HIVEP3: variants seen among roughly 807,000 people sequenced by gnomAD.
HIVEP3 encodes the protein HIVEP zinc finger 3.
Under a neutral mutation model 152.8 loss-of-function variants are expected in HIVEP3, and 49 were observed. The ratio of observed to expected loss-of-function variants is 0.32; its 90% CI spans 0.26 to 0.41. The LOEUF is 0.41. Among genes scored for constraint, HIVEP3 ranks in the 10% least tolerant of loss-of-function variants. HIVEP3 has a pLI of 1.00. For missense variants in HIVEP3, 2,790 were observed against 3,103.3 expected, an observed-to-expected ratio of 0.90 and a Z score of 2.40; for synonymous variants, 1,269 against 1,289.0, an observed-to-expected ratio of 0.98 and a Z score of 0.33.
chr1:41,988,664 C>T (rs1331376303), intron 1 of HIVEP3, among the ~76,000 whole-genome samples: 1 of 152,086 alleles, frequency 6.6e-6, no homozygotes, highest in Non-Finnish European at 1.5e-5. Flanking sequence ...GGAAGTTCCT[C>T]AAAAAATTAC....
chr1:41,580,762 A>T lies in HIVEP3; in HGVS notation c.4036T>A (p.Ser1346Thr). The T allele has an allele frequency of 6.3e-7, 1 of 1,583,418 alleles. No individual in the cohort carries two copies. ...TTLSQILVTQ[S>T]QGSSATVALP... is the part of the protein sequence containing the mutation. ...GCCACAGTTGCTGAGCTGCCTTGGGACTGGGTGACCAAGATCTGGGAAAGG... is the reference window on the plus strand; with the variant it reads ...GCCACAGTTGCTGAGCTGCCTTGGGTCTGGGTGACCAAGATCTGGGAAAGG... Residue 1346 changes from serine (S) to threonine (T), a missense_variant, in exon 4 of 9, where the codon TCC becomes ACC. By Grantham distance (58) the Ser-to-Thr change is moderately conservative. Coordinates refer to ENST00000372583, the MANE Select transcript of HIVEP3 (RefSeq NM_024503.5).
rs756774208 is a variant in HIVEP3 at position 41,584,639 on chromosome 1, G to C, written c.159C>G (p.Leu53=). 1.9e-6 allele frequency: 3 copies of C among 1,603,244 alleles called. No individual in the cohort carries two copies. The African/African-American group carries it at 4.0e-5, about 22-fold the overall frequency. ...GGCCCGGGAAGGGCTGCGGGGCTAA[G>C]AGCTCTTGGGCGGGGCTCTCTTGGG... The part of the protein sequence containing the change: ...AATQESPAQE[L]LAPQPFPGPS... Residue 53 remains leucine, a synonymous_variant, in exon 4 of 9, where the codon CTC becomes CTG. Coordinates refer to ENST00000372583, the MANE Select transcript of HIVEP3 (RefSeq NM_024503.5). The surrounding 1 kb of genome is among the most constrained non-coding windows in gnomAD (Gnocchi z 5.2).
chr1:41,999,372 A>C (rs1485411768), intron 1 of HIVEP3, among the ~76,000 whole-genome samples: 2 of 152,204 alleles, frequency 1.3e-5, no homozygotes, highest in Non-Finnish European at 2.9e-5. Flanking sequence ...AAGTGAGTAT[A>C]AAAATTAACT....
chr1:41,923,499 A>G (rs201805433), upstream of HIVEP3, among the ~76,000 whole-genome samples: 2 of 152,108 alleles, frequency 1.3e-5, no homozygotes, highest in Admixed American at 6.6e-5. Flanking sequence ...TGGCGGGGGG[A>G]AGGGAAAGGA....
chr1:41,811,568 A>G (rs945961074), intron 1 of HIVEP3, among the ~76,000 whole-genome samples: 1 of 151,998 alleles, frequency 6.6e-6, no homozygotes, highest in East Asian at 1.9e-4. Flanking sequence ...TGAGGCAGAC[A>G]GAGAGGTTAT....
chr1:41,524,968 C>A (rs975933159), intron 5 of HIVEP3, 58 bp from the exon 6 acceptor site: 27 of 1,495,462 alleles, frequency 1.8e-5, no homozygotes, highest in Non-Finnish European at 2.5e-5. Context: ...CAGGTTCCCA[C>A]CTCAGAAGAC....
intron 2 of HIVEP3, among the ~76,000 whole-genome samples, chr1:41,688,464 T>G (rs1262811145): frequency 6.6e-6 from 1 of 152,244 alleles, no homozygotes; most frequent in East Asian, 1.9e-4. Context: ...TCCCCAGCCC[T>G]CTTTCTGGGA....
intron 2 of HIVEP3, among the ~76,000 whole-genome samples, chr1:41,647,709 T>C (rs968749222): frequency 6.6e-6 from 1 of 152,226 alleles, no homozygotes; most frequent in East Asian, 1.9e-4. Context: ...CACACCACTG[T>C]AGTGAGCTTG....
At position 41,510,725 on chromosome 1, in the gene HIVEP3, G is replaced by A; in HGVS notation, c.6947C>T (p.Pro2316Leu). The A allele has an allele frequency of 1.3e-6, 2 of 1,546,118 alleles. No homozygotes were observed. Among genetic ancestry groups the A allele is most frequent in the Non-Finnish European group, 1.7e-6 (2 of 1,146,028 alleles). ...HSPCTPPDTL[P>L]RPPQGRRAAQ... ...TGCCCGGCGTCCCTGGGGCGGCCGG[G>A]GCAAGGTGTCGGGTGGGGTGCAGGG... Residue 2316 changes from proline to leucine, a missense_variant, in exon 9 of 9, where the codon CCC (proline) becomes CTC (leucine). Transcript: ENST00000372583.
chr1:41,830,860 G>C (rs113270856), intron 1 of HIVEP3, among the ~76,000 whole-genome samples: 1,749 of 152,274 alleles, frequency 0.011, 31 homozygotes, highest in African/African-American at 0.039. Context: ...TGGGAGGTGG[G>C]AGTATGTTGG....
chr1:41,651,751 G>A (rs945858688), intron 2 of HIVEP3, among the ~76,000 whole-genome samples: 3 of 152,210 alleles, frequency 2.0e-5, no homozygotes, highest in Non-Finnish European at 4.4e-5. Flanking sequence ...GCCCTTGCCA[G>A]TACTAGATCT....
At chr1:41,552,575 C>T (rs1336060298) in intron 5 of HIVEP3, among the ~76,000 whole-genome samples, 1 of 144,506 alleles carries the variant, frequency 6.9e-6, no homozygotes, top group Non-Finnish European at 1.5e-5. Context: ...GCATAGTATT[C>T]CATAGTGTAT....
intron 1 of HIVEP3, among the ~76,000 whole-genome samples, chr1:41,710,691 G>T (rs1194732659): frequency 6.6e-6 from 1 of 152,162 alleles, no homozygotes; most frequent in Non-Finnish European, 1.5e-5. Flanking sequence ...CTATGTGTCT[G>T]TCTCGTTCCC....
chr1:41,721,394 C>T (rs776858895), intron 1 of HIVEP3, among the ~76,000 whole-genome samples: 10 of 152,014 alleles, frequency 6.6e-5, no homozygotes, highest in East Asian at 1.9e-4. Context: ...TTAGTGGAGA[C>T]GGGATTTCAT....
chr1:41,753,944 AGAG>A (rs1205255044), intron 1 of HIVEP3, among the ~76,000 whole-genome samples: 1 of 152,146 alleles, frequency 6.6e-6, no homozygotes, highest in African/African-American at 2.4e-5. Context: ...GGTGGGGGTA[AGAG>A]GAGAAGGCAG....
intron 1 of HIVEP3, among the ~76,000 whole-genome samples, chr1:41,704,042 T>C (rs1646399938): frequency 6.6e-6 from 1 of 152,252 alleles, no homozygotes; most frequent in Non-Finnish European, 1.5e-5. Flanking sequence ...CTTGCCTCAG[T>C]ACCCTCATCT....
rs189625147 is a variant in HIVEP3 at position 41,958,161 on chromosome 1, C to T, written n.120-39637G>A. Among the ~76,000 whole-genome samples the T allele has an allele frequency of 1.5e-4, 23 of 152,280 alleles. No individual in the cohort carries two copies. In the East Asian group the frequency reaches 3.5e-3, roughly 23 times the overall value. The stretch of plus-strand genomic sequence containing the variant: ...TGGCACCCAGGGCAAGAAAGAGCTG[C>T]GGCAGCTCCCGGCTGCAATACAAGC... On this transcript the variant is annotated intron_variant and non_coding_transcript_variant, in intron 1 of 3. Transcript: ENST00000489103.
chr1:41,558,721 A>G (rs1157552843), intron 5 of HIVEP3, among the ~76,000 whole-genome samples: 3 of 152,144 alleles, frequency 2.0e-5, no homozygotes, highest in Non-Finnish European at 4.4e-5. Flanking sequence ...CTGGGGATGC[A>G]GGGGAGGTGC....
intron 1 of HIVEP3, among the ~76,000 whole-genome samples, chr1:41,743,290 G>C (rs145737161): frequency 3.2e-4 from 48 of 152,280 alleles, no homozygotes; most frequent in Non-Finnish European, 6.2e-4. Context: ...GCAGGGCCTG[G>C]TACAAGGTAG....
Sources: gnomAD v4.1 joint callset for allele counts (sites outside exome capture counted in the v4.1 genomes callset) on GRCh38, gnomAD v4.1.1 for gene constraint, Gnocchi (gnomAD v3.1) non-coding constraint, MANE v1.5 for transcripts, NCBI Gene and HGNC (gene_info 2026-07-23, HGNC 2026-07-21) for gene names.